The following DSP variants were observed in gnomAD, a reference collection of about 807,000 sequenced individuals.
DSP encodes the protein desmoplakin, also known as 250/210 kDa paraneoplastic pemphigus antigen.
DSP carries 114 observed loss-of-function variants against 290.6 expected under a neutral mutation model. The ratio of observed to expected loss-of-function variants is 0.39; its 90% CI spans 0.34 to 0.46. The LOEUF is 0.46. Ranked by LOEUF, DSP falls within the 20% of genes least tolerant of loss-of-function variation. The probability of loss-of-function intolerance (pLI) is 0.99; values close to 1 mark genes in which losing one functional copy is unlikely to be tolerated. For missense variants in DSP, 3,230 were observed against 3,495.8 expected (o/e 0.92, Z 1.92); for synonymous variants, 1,311 against 1,316.4 (o/e 1.00, Z 0.09).
intron 14 of DSP, 50 bp from the exon 15 acceptor site, chr6:7,571,792 T>C (rs1328536917): frequency 1.3e-6 from 2 of 1,586,194 alleles, no homozygotes; most frequent in Admixed American, 1.7e-5. Context: ...GCCTAGCACC[T>C]TGATACCTAG....
At chr6:7,576,859 G>GA (rs1259951364) in intron 19 of DSP, 100 bp from the exon 20 acceptor site, 16 of 1,079,622 alleles carry the variant, frequency 1.5e-5, no homozygotes, top group Non-Finnish European at 2.2e-5. Flanking sequence ...GTAATAAACT[G>GA]AAAAAAGGGT....
chr6:7,567,872 T>C lies in DSP; in HGVS notation c.1232T>C (p.Leu411Pro), dbSNP rs759316967. Residue 411 changes from leucine (L) to proline (P), a missense_variant, in exon 10 of 24, where the codon CTG becomes CCG. By Grantham distance (98) the Leu-to-Pro change is moderately conservative. Coordinates refer to ENST00000379802, the MANE Select transcript of DSP (RefSeq NM_004415.4). ...KKYPCDKNMP[L>P]QHLLEQIKEL... Reference sequence around the variant, plus strand: ...TACCCCTGCGACAAGAACATGCCCCTGCAGCACCTGCTGGAACAGATCAAG... The same window carrying C: ...TACCCCTGCGACAAGAACATGCCCCCGCAGCACCTGCTGGAACAGATCAAG... 8 of 1,613,948 alleles carry C rather than the reference T, an allele frequency of 5.0e-6. No homozygotes were observed. The Admixed American group carries it at 5.0e-5, about 10-fold the overall frequency.
intron 21 of DSP, 68 bp from the exon 22 acceptor site, chr6:7,578,396 G>A (rs895007982): frequency 2.5e-5 from 33 of 1,312,872 alleles, no homozygotes; most frequent in African/African-American, 7.3e-5. Flanking sequence ...AAACAAAATC[G>A]GTCAAATTAC....
At position 7,571,912 on chromosome 6, in the gene DSP, C is replaced by T; in HGVS notation, c.1974C>T (p.Asn658=). The change falls in exon 15 of 24, where the codon AAC becomes AAT. Residue 658 remains asparagine (N), a synonymous_variant. Transcript: ENST00000379802. ...DVNHNKVIET[N]RENDKQETWM... is the part of the protein sequence containing the mutation. ...ACCATAATAAAGTAATTGAAACCAA[C>T]AGAGAAAATGACAAGCAAGAAACAT... The T allele has an allele frequency of 2.5e-6, 4 of 1,614,068 alleles. No homozygotes were observed. The highest frequency in any genetic ancestry group is 3.4e-6 in the Non-Finnish European group (4 of 1,180,018).
intron 1 of DSP, among the ~76,000 whole-genome samples, chr6:7,544,265 C>A (rs1016562841): frequency 6.6e-6 from 1 of 152,098 alleles, no homozygotes; most frequent in Admixed American, 6.5e-5. Context: ...CAAATAATAG[C>A]GACCGCCTGA....
intron 5 of DSP, among the ~76,000 whole-genome samples, chr6:7,563,483 C>T (rs1758764490): frequency 6.6e-6 from 1 of 152,132 alleles, no homozygotes; most frequent in Admixed American, 6.5e-5. Context: ...AATTTTCTAA[C>T]ACGTGAGTCT....
At position 7,567,944 on chromosome 6, in the gene DSP, G is replaced by C; in HGVS notation, c.1266+38G>C. 2 of 1,609,734 alleles carry C rather than the reference G, an allele frequency of 1.2e-6. 1 individual carries two copies. Among genetic ancestry groups the C allele is most frequent in the South Asian group, 2.2e-5 (2 of 90,608 alleles). On this transcript the variant is annotated intron_variant, in intron 10 of 23. Coordinates refer to ENST00000379802, the MANE Select transcript of DSP (RefSeq NM_004415.4). ...ACCCAGAACCTCAGCAGCTGTGCCT[G>C]ATCAGGGAGATAAAACACATGCCTT...
At chr6:7,578,079 G>A (rs2113689413) in intron 21 of DSP, among the ~76,000 whole-genome samples, 193 bp downstream of exon 21, 1 of 152,278 alleles carries the variant, frequency 6.6e-6, no homozygotes, top group South Asian at 2.1e-4. Context: ...AGTCATTGAT[G>A]TATGATACAT....
In DSP at chr6:7,541,962, G is replaced by T. The variant is rs752387234; in HGVS notation, c.47G>T (p.Arg16Leu). 6.2e-7 allele frequency: 1 copy of T among 1,607,276 alleles called. No individual in the cohort carries two copies. Among genetic ancestry groups the T allele is most frequent in the South Asian group, 1.1e-5 (1 of 90,010 alleles). Residue 16 changes from arginine to leucine, a missense_variant, in exon 1 of 24, where the codon CGC becomes CTC. Physicochemically the swap from Arg to Leu is moderately radical, Grantham distance 102. Transcript: ENST00000379802. ...CACCCGCGGATCAACACTCTGGGCC[G>T]CATGATCCGCGCCGAGTCTGGCCCG... is the stretch of plus-strand genomic sequence containing the variant. The part of the protein sequence containing the change: ...GSHPRINTLG[R>L]MIRAESGPDL...
intron 13 of DSP, 31 bp downstream of exon 13, chr6:7,570,594 G>C: frequency 6.2e-7 from 1 of 1,611,734 alleles, no homozygotes; most frequent in Non-Finnish European, 8.5e-7. Context: ...AGGCTGCCTG[G>C]AGGGAGGGCA....
chr6:7,551,238 T>G (rs1758332975), intron 1 of DSP, among the ~76,000 whole-genome samples: 1 of 152,076 alleles, frequency 6.6e-6, no homozygotes, highest in African/African-American at 2.4e-5. Flanking sequence ...AGATAGAAAT[T>G]TCTGAGATTA....
In DSP at chr6:7,569,094, G is replaced by T. The variant is rs767824453; in HGVS notation, c.1420-92G>T. Reference sequence around the variant, plus strand: ...AAAAACGTAAAAGCTTTAATAATTCGCATGTGTTCATCTCTGTTTCCATCA... The same window carrying T: ...AAAAACGTAAAAGCTTTAATAATTCTCATGTGTTCATCTCTGTTTCCATCA... On this transcript the variant is annotated intron_variant, in intron 11 of 23. Transcript: ENST00000379802. 1.7e-4 allele frequency: 267 copies of T among 1,543,978 alleles called. 1 individual carries two copies. The East Asian group carries it at 5.8e-3, about 34-fold the overall frequency.
At chr6:7,570,612 C>T in intron 13 of DSP, 49 bp downstream of exon 13, 1 of 1,610,004 alleles carries the variant, frequency 6.2e-7, no homozygotes, top group Non-Finnish European at 8.5e-7. Flanking sequence ...GCAGCGCTGC[C>T]CCCCGCAGTG....
intron 4 of DSP, among the ~76,000 whole-genome samples, chr6:7,561,401 C>T (rs779116822): frequency 1.1e-4 from 17 of 152,190 alleles, no homozygotes; most frequent in South Asian, 4.1e-4. Flanking sequence ...TTCCTCTTAT[C>T]GCTTGTTCCC....
chr6:7,579,953 A>G lies in DSP; in HGVS notation c.3763A>G (p.Arg1255Gly), dbSNP rs1477870659. The change falls in exon 23 of 24, where the codon AGG (arginine) becomes GGG (glycine). Residue 1255 changes from arginine (R) to glycine (G), a missense_variant. By Grantham distance (125) the Arg-to-Gly change is moderately radical. This residue lies in a region of DSP where 1,714 missense variants were observed against 1,844.5 expected (regional missense o/e 0.93). Coordinates refer to ENST00000379802, the MANE Select transcript of DSP (RefSeq NM_004415.4). The surrounding 1 kb of genome is among the most constrained non-coding windows in gnomAD (Gnocchi z 4.1). ...ENRDLKDEIV[R>G]LNDSILQATE... ...TCGAGATCTGAAGGATGAAATTGTC[A>G]GGCTCAATGACAGCATCTTGCAGGC... is the stretch of plus-strand genomic sequence containing the variant. 11 of 1,614,236 alleles carry G rather than the reference A, an allele frequency of 6.8e-6. No individual in the cohort carries two copies. The highest frequency in any genetic ancestry group is 8.5e-6 in the Non-Finnish European group (10 of 1,180,050).
In DSP at chr6:7,565,586, C is replaced by A; in HGVS notation, c.939+66C>A. On this transcript the variant is annotated intron_variant, in intron 7 of 23. Transcript: ENST00000379802. This position sits in a 1 kb window ranked among gnomAD's most constrained non-coding sequence, Gnocchi z 4.2. ...CTGTTGCCTTGAAGAGCTGGGGTCT[C>A]GGGGAATGATTGGTCTATTAATAAT... The A allele has an allele frequency of 6.3e-7, 1 of 1,588,734 alleles. No homozygotes were observed. Among genetic ancestry groups the A allele is most frequent in the South Asian group, 1.1e-5 (1 of 90,130 alleles).
At position 7,579,874 on chromosome 6, in the gene DSP, A is replaced by AGAG. The variant is rs1561697838; in HGVS notation, c.3687_3689dup (p.Glu1229dup). 21 of 1,614,188 alleles carry AGAG rather than the reference A, an allele frequency of 1.3e-5. No individual in the cohort carries two copies. The highest frequency in any genetic ancestry group is 1.8e-5 in the Non-Finnish European group (21 of 1,180,038). On this transcript the variant is annotated inframe_insertion, in exon 23 of 24. Coordinates refer to ENST00000379802, the MANE Select transcript of DSP (RefSeq NM_004415.4). This position sits in a 1 kb window ranked among gnomAD's most constrained non-coding sequence, Gnocchi z 4.1. ...CCATCAAGGAGATATCCATGCAAAAAGAGGATGATTCCAAAAATCTTAGAA... is the reference window on the plus strand; with the variant it reads ...CCATCAAGGAGATATCCATGCAAAAAGAGGAGGATGATTCCAAAAATCTTAGAA...
chr6:7,563,990 T>C (rs377348338), intron 6 of DSP, among the ~76,000 whole-genome samples: 29 of 152,336 alleles, frequency 1.9e-4, no homozygotes, highest in African/African-American at 6.7e-4. Flanking sequence ...GGTTTCACCA[T>C]GTTCACCATG....
rs750869761 is a variant in DSP, at chr6:7,576,407, T to A, written c.2744T>A (p.Met915Lys). ...AKRRQDSLESMKFGDSNTVMR... is the reference protein window; with the variant it reads ...AKRRQDSLESKKFGDSNTVMR... ...CGCCGCCAGGATTCCTTAGAATCCA[T>A]GAAATTTGGAGATTCCAACACAGTC... is the stretch of plus-strand genomic sequence containing the variant. Residue 915 changes from methionine (M) to lysine (K), a missense_variant, in exon 19 of 24, where the codon ATG (methionine) becomes AAG (lysine). Met to Lys is a moderately conservative substitution (Grantham distance 95). Transcript: ENST00000379802. 3.1e-6 allele frequency: 5 copies of A among 1,614,156 alleles called. No individual in the cohort carries two copies. Among genetic ancestry groups the A allele is most frequent in the Non-Finnish European group, 4.2e-6 (5 of 1,180,004 alleles).
Sources: gnomAD v4.1 joint callset for allele counts (sites outside exome capture counted in the v4.1 genomes callset) on GRCh38, gnomAD v4.1.1 for gene constraint, gnomAD v4.1.1 regional missense constraint, Gnocchi (gnomAD v3.1) non-coding constraint, MANE v1.5 for transcripts, NCBI Gene and HGNC (gene_info 2026-07-23, HGNC 2026-07-21) for gene names.